ZNF385D: variants seen among roughly 807,000 people sequenced by gnomAD.
ZNF385D encodes zinc finger protein 659.
Under a neutral mutation model 35.8 loss-of-function variants are expected in ZNF385D, and 15 were observed. The observed-to-expected ratio is 0.42, with a 90% CI of 0.28 to 0.64. The LOEUF is 0.64. Ranked by LOEUF, ZNF385D falls within the 30% of genes least tolerant of loss-of-function variation. ZNF385D has a pLI of 0.23. For synonymous variants in ZNF385D, 212 were observed against 186.8 expected, an observed-to-expected ratio of 1.13 and a Z score of -1.10; for missense variants, 474 against 494.6, an observed-to-expected ratio of 0.96 and a Z score of 0.39.
chr3:22,082,974 C>A (rs1700835918), intron 3 of ZNF385D, among the ~76,000 whole-genome samples: 1 of 152,198 alleles, frequency 6.6e-6, no homozygotes, highest in Admixed American at 6.5e-5. Context: ...AACAGACCTG[C>A]AGCTGAGGAT....
intron 3 of ZNF385D, among the ~76,000 whole-genome samples, chr3:21,538,482 C>T (rs530455078): frequency 6.6e-6 from 1 of 152,188 alleles, no homozygotes; most frequent in African/African-American, 2.4e-5. Context: ...GTTTAAAAAC[C>T]AAAGAAACTT....
In ZNF385D at chr3:22,092,701, C is replaced by T. The variant is rs992757767; in HGVS notation, c.325+76116G>A. On this transcript the variant is annotated intron_variant, in intron 3 of 5. Coordinates refer to the ZNF385D transcript ENST00000494108. Reference sequence around the variant, plus strand: ...AACAGTTCTGTTTATTCTTTGCTAGCAAATCCCCTCTTACAGTTAATAATT... The same window carrying T: ...AACAGTTCTGTTTATTCTTTGCTAGTAAATCCCCTCTTACAGTTAATAATT... 3.3e-5 allele frequency among the ~76,000 whole-genome samples: 5 copies of T among 152,148 alleles called. No individual in the cohort carries two copies. In the South Asian group the frequency reaches 8.3e-4, roughly 25 times the overall value.
At chr3:22,093,163 GA>G (rs1007749574) in intron 3 of ZNF385D, among the ~76,000 whole-genome samples, 125 of 150,096 alleles carry the variant, frequency 8.3e-4, no homozygotes, top group Non-Finnish European at 1.4e-3. Flanking sequence ...ACACCCTGAG[GA>G]AAAAAAAAGT....
chr3:21,700,939 G>A (rs575861548), intron 1 of ZNF385D, among the ~76,000 whole-genome samples: 11 of 152,030 alleles, frequency 7.2e-5, no homozygotes, highest in Middle Eastern at 3.4e-3. Context: ...TTTTTTCTCC[G>A]CCTCCAGGTG....
intron 4 of ZNF385D, among the ~76,000 whole-genome samples, chr3:21,493,523 C>G (rs1165567856): frequency 6.6e-6 from 1 of 152,044 alleles, no homozygotes; most frequent in African/African-American, 2.4e-5. Context: ...CTCTGGACTA[C>G]ACTAACTTAT....
chr3:22,119,446 C>T (rs1030368740), intron 3 of ZNF385D, among the ~76,000 whole-genome samples: 15 of 151,980 alleles, frequency 9.9e-5, no homozygotes, highest in Admixed American at 9.2e-4. Flanking sequence ...GGGGAATATG[C>T]TTTTGTTTGT....
chr3:22,069,115 G>A (rs183555106), intron 3 of ZNF385D, among the ~76,000 whole-genome samples: 1 of 152,170 alleles, frequency 6.6e-6, no homozygotes, highest in East Asian at 1.9e-4. Context: ...GGTGTTTGTT[G>A]TGTTATAAAA....
intron 3 of ZNF385D, among the ~76,000 whole-genome samples, chr3:21,997,903 G>C (rs1254018805): frequency 6.8e-6 from 1 of 148,110 alleles, no homozygotes; most frequent in East Asian, 2.0e-4. Context: ...GTGTGTGTGT[G>C]TGTGACAGAA....
intron 2 of ZNF385D, among the ~76,000 whole-genome samples, chr3:22,349,263 C>A (rs1335334112): frequency 1.3e-5 from 2 of 152,106 alleles, no homozygotes; most frequent in African/African-American, 2.4e-5. Context: ...GTAGCAGCAG[C>A]AGAAGAATCT....
At position 21,517,040 on chromosome 3, in the gene ZNF385D, C is replaced by A. The variant is rs190148182; in HGVS notation, c.277-6017G>T. 1.6e-3 allele frequency among the ~76,000 whole-genome samples: 237 copies of A among 151,132 alleles called. 1 individual carries two copies. The highest frequency in any genetic ancestry group is 5.1e-3 in the South Asian group (24 of 4,748). ...AGAGATAAAAATTATCAGATAAAAT[C>A]TAATATCCTAAAATCTTAAATGATT... On this transcript the variant is annotated intron_variant, in intron 3 of 7. Coordinates refer to ENST00000281523, the MANE Select transcript of ZNF385D (RefSeq NM_024697.3).
chr3:22,143,122 G>A (rs866858306), intron 3 of ZNF385D, among the ~76,000 whole-genome samples: 2 of 142,866 alleles, frequency 1.4e-5, no homozygotes, highest in Non-Finnish European at 3.0e-5. Context: ...TCACTCTGTC[G>A]CCCAGGCTGG....
At chr3:22,259,018 C>G (rs1354997721) in intron 2 of ZNF385D, among the ~76,000 whole-genome samples, 1 of 133,980 alleles carries the variant, frequency 7.5e-6, no homozygotes, top group Non-Finnish European at 1.7e-5. Flanking sequence ...CAAAACTTGA[C>G]ATGTGGTAAT....
At chr3:21,977,586 T>C (rs1162279063) in intron 3 of ZNF385D, among the ~76,000 whole-genome samples, 4 of 152,006 alleles carry the variant, frequency 2.6e-5, no homozygotes, top group Non-Finnish European at 5.9e-5. Flanking sequence ...TTGGAGGCCA[T>C]AGTGGGAAGA....
intron 3 of ZNF385D, among the ~76,000 whole-genome samples, chr3:22,118,468 T>A (rs978419930): frequency 1.3e-5 from 2 of 152,106 alleles, no homozygotes; most frequent in African/African-American, 4.8e-5. Context: ...TTGCTGCATA[T>A]AGTTTTACAG....
At chr3:22,222,999 C>T (rs1440145957) in intron 2 of ZNF385D, among the ~76,000 whole-genome samples, 1 of 152,078 alleles carries the variant, frequency 6.6e-6, no homozygotes, top group African/African-American at 2.4e-5. Context: ...TCCAACCATC[C>T]TTTTTCCAAA....
intron 2 of ZNF385D, among the ~76,000 whole-genome samples, chr3:22,289,925 T>C (rs1464079012): frequency 6.6e-6 from 1 of 152,114 alleles, no homozygotes; most frequent in African/African-American, 2.4e-5. Context: ...TGTTAGAAGC[T>C]TGACTATAAG....
intron 3 of ZNF385D, among the ~76,000 whole-genome samples, chr3:22,127,352 T>TTTTTTTTTTTTTTTTTTTTTTTTTTA: frequency 1.7e-5 from 1 of 57,864 alleles, no homozygotes; most frequent in Non-Finnish European, 3.4e-5. Context: ...TTTTTTTTTT[T>TTTTTTTTTTTTTTTTTTTTTTTTTTA]TTTTTGAGAC....
chr3:21,784,423 G>A (rs2071607084), intron 3 of ZNF385D, among the ~76,000 whole-genome samples: 1 of 152,146 alleles, frequency 6.6e-6, no homozygotes, highest in East Asian at 1.9e-4. Flanking sequence ...TGCTTTAAGT[G>A]TGTTAATATA....
chr3:21,946,726 G>A (rs909986071), intron 3 of ZNF385D, among the ~76,000 whole-genome samples: 1 of 152,112 alleles, frequency 6.6e-6, no homozygotes, highest in Non-Finnish European at 1.5e-5. Flanking sequence ...CAGCTACTAG[G>A]GAGGCTGAAG....
Sources: allele counts gnomAD v4.1 joint callset (sites outside exome capture counted in the v4.1 genomes callset), GRCh38; gene constraint gnomAD v4.1.1; transcripts MANE v1.5; gene names NCBI Gene and HGNC (gene_info 2026-07-23, HGNC 2026-07-21).